TFEC: variants seen among roughly 807,000 people sequenced by gnomAD.
The protein encoded by TFEC is class E basic helix-loop-helix protein 34.
Under a neutral mutation model 41.6 loss-of-function variants are expected in TFEC, and 31 were observed. The ratio of observed to expected loss-of-function variants is 0.74; its 90% CI spans 0.56 to 1.01. TFEC has a LOEUF of 1.01. Among genes scored for constraint, TFEC ranks in the 50% least tolerant of loss-of-function variants. The probability of loss-of-function intolerance (pLI) is 0.00; values close to 1 mark genes in which losing one functional copy is unlikely to be tolerated. For missense variants in TFEC, 402 were observed against 404.1 expected, an observed-to-expected ratio of 0.99 and a Z score of 0.04; for synonymous variants, 143 against 140.6, an observed-to-expected ratio of 1.02 and a Z score of -0.12.
At chr7:116,141,434 T>C (rs1391598452) in intron 1 of TFEC, among the ~76,000 whole-genome samples, 1 of 152,214 alleles carries the variant, frequency 6.6e-6, no homozygotes, top group Non-Finnish European at 1.5e-5. Context: ...CTACTCAAGT[T>C]ATAATAGGTG....
intron 2 of TFEC, among the ~76,000 whole-genome samples, chr7:115,979,670 C>G (rs1423669802): frequency 6.6e-6 from 1 of 152,078 alleles, no homozygotes; most frequent in Non-Finnish European, 1.5e-5. Context: ...TCATCACTTT[C>G]ATGCCAAACT....
intron 1 of TFEC, among the ~76,000 whole-genome samples, chr7:116,013,337 AT>A (rs1195094892): frequency 6.6e-6 from 1 of 152,092 alleles, no homozygotes; most frequent in Non-Finnish European, 1.5e-5. Flanking sequence ...TCATAGCTGC[AT>A]TTTCCCCTTG....
chr7:115,996,245 CA>C (rs1310900959), intron 1 of TFEC, among the ~76,000 whole-genome samples: 2 of 151,920 alleles, frequency 1.3e-5, no homozygotes, highest in Non-Finnish European at 2.9e-5. Context: ...GGTACCAGCT[CA>C]GCCACAATAG....
At chr7:116,154,286 G>A (rs1264287205) in intron 1 of TFEC, among the ~76,000 whole-genome samples, 2 of 152,144 alleles carry the variant, frequency 1.3e-5, no homozygotes, top group African/African-American at 4.8e-5. Context: ...CTGAAACTCT[G>A]TCGATTTCAA....
chr7:115,989,751 C>T (rs1039399126), intron 1 of TFEC, among the ~76,000 whole-genome samples: 1 of 152,152 alleles, frequency 6.6e-6, no homozygotes, highest in Non-Finnish European at 1.5e-5. Context: ...ATGGAGTGCA[C>T]CACAGCTCAA....
chr7:116,068,005 T>C (rs955224220), intron 3 of TFEC, among the ~76,000 whole-genome samples: 2 of 151,846 alleles, frequency 1.3e-5, no homozygotes, highest in South Asian at 4.1e-4. Flanking sequence ...CTCTCTGATA[T>C]ATCTAAGACA....
At chr7:116,093,543 A>G (rs1345186935) in intron 3 of TFEC, among the ~76,000 whole-genome samples, 1 of 152,042 alleles carries the variant, frequency 6.6e-6, no homozygotes, top group Non-Finnish European at 1.5e-5. Flanking sequence ...CGTGGGTCTG[A>G]TTTTGTTTCT....
intron 1 of TFEC, among the ~76,000 whole-genome samples, chr7:116,016,551 T>C (rs1223943163): frequency 6.6e-6 from 1 of 152,142 alleles, no homozygotes; most frequent in Admixed American, 6.6e-5. Flanking sequence ...CTCTATTCAC[T>C]TTCCATGTGA....
At chr7:116,130,800 T>C (rs1276297777) in intron 1 of TFEC, among the ~76,000 whole-genome samples, 1 of 152,174 alleles carries the variant, frequency 6.6e-6, no homozygotes, top group East Asian at 1.9e-4. Flanking sequence ...TTTGTAGAGA[T>C]AGTGTTTCAC....
intron 1 of TFEC, among the ~76,000 whole-genome samples, chr7:116,025,730 T>C (rs1195802661): frequency 6.6e-6 from 1 of 152,220 alleles, no homozygotes; most frequent in East Asian, 1.9e-4. Context: ...GGATCACTTG[T>C]AAATATTTGC....
chr7:115,944,160 T>TA lies in TFEC; in HGVS notation c.516-2121dup, dbSNP rs539619440. ...GTTGTAGAGGAGAGTAAAGATTAAG[T>TA]AAAAAAACTTCAAACTATTTAGAAA... On this transcript the variant is annotated intron_variant, in intron 6 of 7. Coordinates refer to ENST00000265440, the MANE Select transcript of TFEC (RefSeq NM_012252.4). 7.1e-4 allele frequency among the ~76,000 whole-genome samples: 107 copies of TA among 150,568 alleles called. 2 individuals are homozygous for TA. Among genetic ancestry groups the TA allele is most frequent in the East Asian group, 4.9e-3 (25 of 5,064 alleles).
chr7:115,957,010 T>C (rs754839416), intron 3 of TFEC, among the ~76,000 whole-genome samples: 1 of 151,956 alleles, frequency 6.6e-6, no homozygotes, highest in African/African-American at 2.4e-5. Flanking sequence ...AAAAAAGTTA[T>C]ATGTGTTTAA....
intron 1 of TFEC, among the ~76,000 whole-genome samples, chr7:116,019,343 T>C (rs1322060052): frequency 6.6e-6 from 1 of 152,200 alleles, no homozygotes; most frequent in Admixed American, 6.5e-5. Context: ...TCACAAAAGA[T>C]TTATTGGTAA....
intron 6 of TFEC, among the ~76,000 whole-genome samples, chr7:115,950,218 G>A (rs1225457508): frequency 6.6e-6 from 1 of 151,950 alleles, no homozygotes; most frequent in Non-Finnish European, 1.5e-5. Flanking sequence ...CACCATGTTG[G>A]CCAGGATGGT....
intron 2 of TFEC, among the ~76,000 whole-genome samples, chr7:115,975,006 T>C (rs1478350109): frequency 6.6e-6 from 1 of 152,040 alleles, no homozygotes; most frequent in East Asian, 1.9e-4. Context: ...AAAAGGAAAC[T>C]GAGAGAAAAA....
intron 1 of TFEC, among the ~76,000 whole-genome samples, chr7:116,010,306 G>C (rs1446376504): frequency 4.6e-5 from 7 of 152,128 alleles, no homozygotes; most frequent in African/African-American, 7.2e-5. Context: ...AAAGAAAAAA[G>C]CATTACTTGA....
At chr7:115,949,951 A>C (rs983527200) in intron 6 of TFEC, among the ~76,000 whole-genome samples, 3 of 151,814 alleles carry the variant, frequency 2.0e-5, no homozygotes, top group African/African-American at 7.2e-5. Flanking sequence ...AACCTACTCA[A>C]AAGTTCTCAG....
chr7:116,044,775 T>C (rs1258292044), intron 3 of TFEC, among the ~76,000 whole-genome samples: 1 of 152,218 alleles, frequency 6.6e-6, no homozygotes, highest in African/African-American at 2.4e-5. Flanking sequence ...GGAGGCATAA[T>C]CTGTAGTTCC....
At chr7:116,036,844 C>A (rs538304674) in intron 3 of TFEC, among the ~76,000 whole-genome samples, 1 of 152,036 alleles carries the variant, frequency 6.6e-6, no homozygotes, top group African/African-American at 2.4e-5. Context: ...TTATATCTGA[C>A]TTTTGGCCAG....
Sources: gnomAD v4.1 joint callset for allele counts (sites outside exome capture counted in the v4.1 genomes callset) on GRCh38, gnomAD v4.1.1 for gene constraint, MANE v1.5 for transcripts, NCBI Gene and HGNC (gene_info 2026-07-23, HGNC 2026-07-21) for gene names.